The following RGS3 variants were observed in gnomAD, a reference collection of about 807,000 sequenced individuals.
RGS3 encodes the protein regulator of G protein signaling 3, also known as regulator of G-protein signalling 3.
Under a neutral mutation model 132.6 loss-of-function variants are expected in RGS3, and 80 were observed. That is an observed-to-expected ratio of 0.60 (90% confidence interval 0.50 to 0.73). The LOEUF (loss-of-function observed/expected upper bound fraction) is 0.73, where lower values mean the gene tolerates loss of function less well. Among genes scored for constraint, RGS3 ranks in the 30% least tolerant of loss-of-function variants. RGS3 has a pLI of 0.00. For missense variants in RGS3, 1,382 were observed against 1,530.8 expected, an observed-to-expected ratio of 0.90 and a Z score of 1.62; for synonymous variants, 598 against 620.6, an observed-to-expected ratio of 0.96 and a Z score of 0.54.
At chr9:113,500,699 T>C (rs1370100374) in intron 10 of RGS3, among the ~76,000 whole-genome samples, 2 of 151,630 alleles carry the variant, frequency 1.3e-5, no homozygotes, top group African/African-American at 4.8e-5. Context: ...TTTTTTTTTT[T>C]TTTTTTGAGA....
intron 7 of RGS3, among the ~76,000 whole-genome samples, chr9:113,486,251 G>C (rs1450922825): frequency 6.6e-6 from 1 of 152,220 alleles, no homozygotes; most frequent in East Asian, 1.9e-4. Flanking sequence ...GGAAAAAGTG[G>C]AATTTTGAAC....
chr9:113,497,364 G>T, exon 9 of RGS3: 1 of 1,613,590 alleles, frequency 6.2e-7, no homozygotes, highest in Non-Finnish European at 8.5e-7. Context: ...GCCGGACCAA[G>T]CACTTGAAGG....
chr9:113,586,814 T>G (rs181760245), intron 20 of RGS3, among the ~76,000 whole-genome samples: 81 of 152,338 alleles, frequency 5.3e-4, no homozygotes, highest in Non-Finnish European at 9.7e-4. Flanking sequence ...GAGCCACAGT[T>G]TCCTCCTTGG....
At chr9:113,553,461 T>TAAAA (rs1448560862) in intron 19 of RGS3, among the ~76,000 whole-genome samples, 2 of 35,604 alleles carry the variant, frequency 5.6e-5, no homozygotes, top group African/African-American at 2.5e-4. Context: ...AAAAAAAAAA[T>TAAAA]ATATATATAT....
At chr9:113,489,195 T>TA (rs1444091749) in intron 7 of RGS3, among the ~76,000 whole-genome samples, 1 of 152,226 alleles carries the variant, frequency 6.6e-6, no homozygotes, top group Admixed American at 6.5e-5. Flanking sequence ...ACCAAGCACT[T>TA]ACTGTGTGTG....
chr9:113,551,565 T>A (rs1328296321), intron 19 of RGS3, among the ~76,000 whole-genome samples: 1 of 152,226 alleles, frequency 6.6e-6, no homozygotes, highest in East Asian at 1.9e-4. Context: ...AAAGTGGATG[T>A]ACTGCTGGGC....
intron 3 of RGS3, among the ~76,000 whole-genome samples, chr9:113,467,956 G>GA (rs1161448177): frequency 6.6e-6 from 1 of 152,158 alleles, no homozygotes; most frequent in African/African-American, 2.4e-5. Context: ...TGAACTCAGG[G>GA]ACTCAAGCGA....
chr9:113,462,330 A>G, intron 3 of RGS3: 1 of 633,740 alleles, frequency 1.6e-6, no homozygotes, highest in Non-Finnish European at 2.7e-6. Flanking sequence ...GGTGCAGTAA[A>G]GAGCAGGGCA....
At chr9:113,496,770 C>CA (rs1830697079) in intron 8 of RGS3, among the ~76,000 whole-genome samples, 2 of 152,242 alleles carry the variant, frequency 1.3e-5, no homozygotes, top group East Asian at 3.9e-4. Context: ...AGGCTGGTCT[C>CA]AAACTCCTGA....
chr9:113,595,675 G>A, exon 24 of RGS3: 2 of 1,614,176 alleles, frequency 1.2e-6, no homozygotes, highest in Non-Finnish European at 1.7e-6. Flanking sequence ...TGGCTTGTGA[G>A]GACTTCAAGA....
At chr9:113,483,162 A>G (rs1417112596) in intron 5 of RGS3, 45 bp downstream of exon 3, 3 of 1,401,664 alleles carry the variant, frequency 2.1e-6, no homozygotes, top group African/African-American at 2.8e-5. Flanking sequence ...TTGAGGGGCC[A>G]TGTTACTGGG....
chr9:113,584,541 C>T, intron 20 of RGS3, 114 bp downstream of exon 18: 2 of 1,217,176 alleles, frequency 1.6e-6, no homozygotes, highest in Non-Finnish European at 1.1e-6. Flanking sequence ...CTGGCAGCCT[C>T]CCAGCGAACT....
intron 10 of RGS3, among the ~76,000 whole-genome samples, chr9:113,503,164 G>T (rs1471996592): frequency 6.6e-6 from 1 of 152,220 alleles, no homozygotes; most frequent in Non-Finnish European, 1.5e-5. Context: ...CCGCAGGAAG[G>T]ACAGGCTCTG....
At chr9:113,583,224 A>G in intron 19 of RGS3, 1 of 727,816 alleles carries the variant, frequency 1.4e-6, no homozygotes, top group Non-Finnish European at 2.2e-6. Context: ...CCTATAAATG[A>G]CCAGCTGTGT....
intron 19 of RGS3, among the ~76,000 whole-genome samples, chr9:113,573,791 G>A (rs766137579): frequency 1.1e-4 from 16 of 152,146 alleles, no homozygotes; most frequent in Non-Finnish European, 1.6e-4. Context: ...GGGCCCCTGC[G>A]TCTGGTATTG....
At chr9:113,491,710 A>T (rs1830528524) in intron 7 of RGS3, among the ~76,000 whole-genome samples, 2 of 150,196 alleles carry the variant, frequency 1.3e-5, no homozygotes, top group South Asian at 4.2e-4. Context: ...GCATGCCACC[A>T]CGCTTGGCTA....
intron 19 of RGS3, among the ~76,000 whole-genome samples, chr9:113,573,094 T>C (rs1196634349): frequency 6.6e-6 from 1 of 152,168 alleles, no homozygotes; most frequent in African/African-American, 2.4e-5. Context: ...GTGATGTGGG[T>C]ACTCAGTATT....
At position 113,463,990 on chromosome 9, in the gene RGS3, A is replaced by C. The variant is rs1179351234; in HGVS notation, c.415+1789A>C. 3 of 1,123,494 alleles carry C rather than the reference A, an allele frequency of 2.7e-6. No individual in the cohort carries two copies. The highest frequency in any genetic ancestry group is 2.4e-5 in the Admixed American group (1 of 41,376). 69.6% of individuals were successfully genotyped at this position (1,123,494 alleles called of 1,614,324 possible). On this transcript the variant is annotated intron_variant, in intron 3 of 24. Coordinates refer to ENST00000350696, the Ensembl canonical transcript of RGS3. The surrounding 1 kb of genome is among the most constrained non-coding windows in gnomAD (Gnocchi z 4.6). ...GAGGCTGGGAGCAGGTGCTCTTTCT[A>C]TCTAGGGGCACCTTCTCTGGCCCCT...
chr9:113,543,832 G>A (rs187077789), intron 19 of RGS3, among the ~76,000 whole-genome samples: 3 of 152,292 alleles, frequency 2.0e-5, no homozygotes, highest in Admixed American at 2.0e-4. Context: ...CTCACATCAG[G>A]GTCCCAGGTC....
Sources: allele counts gnomAD v4.1 joint callset (sites outside exome capture counted in the v4.1 genomes callset), GRCh38; gene constraint gnomAD v4.1.1; non-coding constraint Gnocchi (gnomAD v3.1); transcripts MANE v1.5; gene names NCBI Gene and HGNC (gene_info 2026-07-23, HGNC 2026-07-21).